TMEM178B: variants seen among roughly 807,000 people sequenced by gnomAD.
TMEM178B encodes the protein transmembrane protein 178B.
A neutral mutation model predicts 31.0 loss-of-function variants in TMEM178B; 5 were observed. The observed-to-expected ratio is 0.16, with a 90% CI of 0.08 to 0.34. The LOEUF is 0.34. Ranked by LOEUF, TMEM178B falls within the 10% of genes least tolerant of loss-of-function variation. The pLI is 1.00. For missense variants in TMEM178B, 275 were observed against 400.3 expected, an observed-to-expected ratio of 0.69 and a Z score of 2.67; for synonymous variants, 164 against 164.0, an observed-to-expected ratio of 1.00 and a Z score of 0.00.
intron 1 of TMEM178B, chr7:141,173,201 A>G (rs1196012036): frequency 8.5e-5 from 13 of 152,226 alleles, no homozygotes. Context: ...TCTAGTTTGA[A>G]GCTGAGTGAG....
chr7:141,310,663 G>A (rs192440100), intron 2 of TMEM178B, among the ~76,000 whole-genome samples: 34 of 152,230 alleles, frequency 2.2e-4, no homozygotes, highest in African/African-American at 8.2e-4. Flanking sequence ...ACAGAAGCTG[G>A]CGAGGCTGTG....
intron 2 of TMEM178B, among the ~76,000 whole-genome samples, chr7:141,275,795 C>T (rs1798257347): frequency 6.6e-6 from 1 of 152,120 alleles, no homozygotes; most frequent in African/African-American, 2.4e-5. Context: ...GTACAGAATT[C>T]ATTATCACTT....
chr7:141,346,123 A>G lies in TMEM178B; in HGVS notation c.497-91485A>G, dbSNP rs112502216. 8.6e-3 allele frequency among the ~76,000 whole-genome samples: 1,306 copies of G among 152,084 alleles called. 14 individuals are homozygous for G. The highest frequency in any genetic ancestry group is 0.03 in the African/African-American group (1,231 of 41,516). ...GTAGTCCCAGCTACTCGGGAGGCTG[A>G]GGCAGGAGAATAGCGAGAACCCAGG... On this transcript the variant is annotated intron_variant, in intron 2 of 3. Transcript: ENST00000565468.
chr7:141,117,640 TAGGTCTTACATTTA>T (rs1452959998), intron 1 of TMEM178B, among the ~76,000 whole-genome samples: 1 of 152,240 alleles, frequency 6.6e-6, no homozygotes, highest in East Asian at 1.9e-4. Context: ...TTTATGGTTT[TAGGTCTTACATTTA>T]AGTCTTTAAT....
the TMEM178B span, among the ~76,000 whole-genome samples, chr7:141,504,088 C>T: frequency 6.6e-6 from 1 of 152,222 alleles, no homozygotes; most frequent in Non-Finnish European, 1.5e-5. Context: ...AATCCTTGAA[C>T]TAGATAGATT....
chr7:141,450,845 G>C (rs1801850294), intron 3 of TMEM178B, among the ~76,000 whole-genome samples: 1 of 152,196 alleles, frequency 6.6e-6, no homozygotes, highest in East Asian at 1.9e-4. Context: ...GACCCAGAGA[G>C]CCATGAAACA....
chr7:141,445,836 C>G (rs1048321093), intron 3 of TMEM178B, among the ~76,000 whole-genome samples: 1 of 152,174 alleles, frequency 6.6e-6, no homozygotes, highest in Admixed American at 6.5e-5. Flanking sequence ...CCCTGCCAAT[C>G]TGCTTTTATA....
At chr7:141,135,638 C>G (rs1795663864) in intron 1 of TMEM178B, among the ~76,000 whole-genome samples, 1 of 151,994 alleles carries the variant, frequency 6.6e-6, no homozygotes, top group Non-Finnish European at 1.5e-5. Flanking sequence ...AACCATTGGA[C>G]CAGTGAAGAT....
intron 2 of TMEM178B, among the ~76,000 whole-genome samples, chr7:141,218,673 G>A (rs1295012634): frequency 2.0e-5 from 3 of 152,000 alleles, no homozygotes; most frequent in South Asian, 2.1e-4. Flanking sequence ...GGACTCTCCG[G>A]TGCCCTCTTC....
At chr7:141,350,516 T>C (rs1361902684) in intron 2 of TMEM178B, among the ~76,000 whole-genome samples, 1 of 152,114 alleles carries the variant, frequency 6.6e-6, no homozygotes, top group Non-Finnish European at 1.5e-5. Flanking sequence ...TGAAGTGCTA[T>C]AAAAGAGGGA....
downstream of TMEM178B, among the ~76,000 whole-genome samples, chr7:141,481,748 C>T (rs1214316405): frequency 2.6e-5 from 4 of 152,098 alleles, no homozygotes; most frequent in African/African-American, 9.7e-5. Context: ...AATGGGAGAG[C>T]CCCACCCCAC....
At chr7:141,088,472 A>G (rs777891944) in intron 1 of TMEM178B, among the ~76,000 whole-genome samples, 2 of 151,498 alleles carry the variant, frequency 1.3e-5, no homozygotes, top group Non-Finnish European at 2.9e-5. Flanking sequence ...TCAGAATTCC[A>G]CTTCTCTTTC....
At chr7:141,161,816 G>GTGT (rs1796177287) in intron 1 of TMEM178B, among the ~76,000 whole-genome samples, 3 of 151,934 alleles carry the variant, frequency 2.0e-5, no homozygotes, top group Non-Finnish European at 2.9e-5. Flanking sequence ...ATGAGAGTTT[G>GTGT]TGAGGGTGGT....
chr7:141,079,105 G>A (rs1402996452), intron 1 of TMEM178B, among the ~76,000 whole-genome samples: 2 of 152,180 alleles, frequency 1.3e-5, no homozygotes, highest in Admixed American at 1.3e-4. Context: ...TCGCCAACAT[G>A]GTGAAAACCC....
rs375888283 is a variant in TMEM178B at position 141,270,620 on chromosome 7, A to C, written c.496+57916A>C. 1.4e-4 allele frequency among the ~76,000 whole-genome samples: 22 copies of C among 152,334 alleles called. No homozygotes were observed. In the South Asian group the frequency reaches 4.4e-3, roughly 30 times the overall value. ...TTGCTAAAGCATCATTTCTAATTAA[A>C]ATATAGGCTTTTTAAAAACACTATA... On this transcript the variant is annotated intron_variant, in intron 2 of 3. Transcript: ENST00000565468.
intron 2 of TMEM178B, among the ~76,000 whole-genome samples, chr7:141,322,858 AC>A (rs1379233135): frequency 7.9e-5 from 12 of 151,422 alleles, no homozygotes; most frequent in African/African-American, 2.7e-4. Flanking sequence ...TCTCCCCTAA[AC>A]CCCCCTGCCC....
At chr7:141,218,550 C>T (rs1361620374) in intron 2 of TMEM178B, among the ~76,000 whole-genome samples, 1 of 152,182 alleles carries the variant, frequency 6.6e-6, no homozygotes, top group African/African-American at 2.4e-5. Context: ...AGTCCTGACC[C>T]CAGGCTGGTG....
chr7:141,125,955 T>A (rs1167898659), intron 1 of TMEM178B, among the ~76,000 whole-genome samples: 3 of 152,202 alleles, frequency 2.0e-5, no homozygotes, highest in Non-Finnish European at 2.9e-5. Context: ...TTTTGTCAGT[T>A]GGTAGACTTT....
At chr7:141,507,296 G>A in the TMEM178B span, among the ~76,000 whole-genome samples, 2 of 152,186 alleles carry the variant, frequency 1.3e-5, no homozygotes, top group Admixed American at 1.3e-4. Context: ...TCTCTATGAG[G>A]GCTCTGCCCC....
Sources: allele counts gnomAD v4.1 joint callset (sites outside exome capture counted in the v4.1 genomes callset), GRCh38; gene constraint gnomAD v4.1.1; transcripts MANE v1.5; gene names NCBI Gene and HGNC (gene_info 2026-07-23, HGNC 2026-07-21).